Variants in ZNF292 observed in about 807,000 individuals in gnomAD.
ZNF292 encodes 16 zinc-finger domain protein.
A neutral mutation model predicts 217.9 loss-of-function variants in ZNF292; 26 were observed. That is an observed-to-expected ratio of 0.12 (90% confidence interval 0.09 to 0.17). The LOEUF (loss-of-function observed/expected upper bound fraction) is 0.17. ZNF292 is among the 10% of genes least tolerant of loss of function. The probability of loss-of-function intolerance (pLI) is 1.00; values close to 1 mark genes in which losing one functional copy is unlikely to be tolerated. For missense variants in ZNF292, 2,904 were observed against 3,175.2 expected, an observed-to-expected ratio of 0.91 and a Z score of 2.05; for synonymous variants, 1,257 against 1,124.1, an observed-to-expected ratio of 1.12 and a Z score of -2.37.
chr6:87,262,134 C>CT lies in ZNF292; in HGVS notation c.*336dup, dbSNP rs533092164. 6.0e-6 allele frequency: 1 copy of CT among 166,074 alleles called. No individual in the cohort carries two copies. Among genetic ancestry groups the CT allele is most frequent in the African/African-American group, 2.4e-5 (1 of 41,926 alleles). 10.3% of individuals were successfully genotyped at this position (166,074 alleles called of 1,614,324 possible). ...GTCACTGCTCATGTATAACAGTACT[C>CT]TTTATTTGTAGATACCTTTTTTGTA... On this transcript the variant is annotated 3_prime_UTR_variant, in exon 8 of 8. Coordinates refer to ENST00000369577, the MANE Select transcript of ZNF292 (RefSeq NM_015021.3).
At position 87,258,414 on chromosome 6, in the gene ZNF292, A is replaced by T; in HGVS notation, c.4785A>T (p.Pro1595=). 1 of 1,613,754 alleles carries T rather than the reference A, an allele frequency of 6.2e-7. No homozygotes were observed. Among genetic ancestry groups the T allele is most frequent in the Admixed American group, 1.7e-5 (1 of 59,926 alleles). ...CSSSFPNSGG[P]SQNFTSNSSR... ...GTTCATTTCCTAATTCTGGTGGGCC[A>T]TCACAAAATTTTACCAGTAACAGTT... Residue 1595 remains proline, a synonymous_variant, in exon 8 of 8, where the codon CCA becomes CCT. Coordinates refer to ENST00000369577, the MANE Select transcript of ZNF292 (RefSeq NM_015021.3).
At chr6:87,238,260 G>A (rs1773997205) in intron 5 of ZNF292, among the ~76,000 whole-genome samples, 1 of 152,100 alleles carries the variant, frequency 6.6e-6, no homozygotes, top group African/African-American at 2.4e-5. Context: ...ACCAAAGTGG[G>A]TGTATCACCT....
intron 5 of ZNF292, 35 bp downstream of exon 5, chr6:87,233,562 T>A: frequency 6.4e-7 from 1 of 1,573,876 alleles, no homozygotes; most frequent in Non-Finnish European, 8.6e-7. Flanking sequence ...AATTATTTTT[T>A]AAGTTGAGAA....
At chr6:87,164,906 G>A (rs1478024910) in intron 1 of ZNF292, among the ~76,000 whole-genome samples, 3 of 151,470 alleles carry the variant, frequency 2.0e-5, no homozygotes, top group Non-Finnish European at 2.9e-5. Context: ...GGGACTACAG[G>A]CATGTGCCAC....
chr6:87,239,773 C>G (rs1582480018), intron 5 of ZNF292, among the ~76,000 whole-genome samples: 1 of 149,410 alleles, frequency 6.7e-6, no homozygotes, highest in South Asian at 2.1e-4. Flanking sequence ...GGCAGAGGCG[C>G]TCCCCACATC....
At chr6:87,173,833 T>TA (rs1346657628) in intron 1 of ZNF292, 2 of 159,924 alleles carry the variant, frequency 1.3e-5, no homozygotes, top group East Asian at 3.8e-4. Context: ...CACCCACATT[T>TA]ATCTCCACAG....
chr6:87,231,022 AAAGAT>A (rs1170141781), intron 4 of ZNF292, among the ~76,000 whole-genome samples: 4 of 152,324 alleles, frequency 2.6e-5, no homozygotes, highest in Admixed American at 6.5e-5. Flanking sequence ...TAAGCTACTC[AAAGAT>A]AAGTCTGAGA....
intron 1 of ZNF292, among the ~76,000 whole-genome samples, chr6:87,173,208 C>CAA (rs11396517): frequency 0.26 from 38,946 of 150,938 alleles, 5,603 homozygotes; most frequent in South Asian, 0.38. Flanking sequence ...AATTTTGGCA[C>CAA]AAAAAAAAAT....
rs1040375108 is a variant in ZNF292 at position 87,155,641 on chromosome 6, G to A, written c.50G>A (p.Gly17Asp). The part of the protein sequence containing the change: ...EQERLSCGEG[G>D]CVAELQRLGE... ...GAGAGGTTGAGTTGCGGCGAAGGCG[G>A]CTGCGTCGCGGAGCTGCAGCGCCTG... Residue 17 changes from glycine to aspartate, a missense_variant, in exon 1 of 8, where the codon GGC (glycine) becomes GAC (aspartate). Physicochemically the swap from Gly to Asp is moderately conservative, Grantham distance 94 (BLOSUM62 -1). Around this residue, in one of 15 missense-constraint regions of ZNF292, gnomAD observed 66 missense variants for 44.1 expected, o/e 1.50. Coordinates refer to ENST00000369577, the MANE Select transcript of ZNF292 (RefSeq NM_015021.3). 5.1e-6 allele frequency: 8 copies of A among 1,582,122 alleles called. No individual in the cohort carries two copies. In the African/African-American group the frequency reaches 8.1e-5, roughly 16 times the overall value.
intron 7 of ZNF292, among the ~76,000 whole-genome samples, chr6:87,253,684 A>G (rs572759686): frequency 6.6e-6 from 1 of 152,300 alleles, no homozygotes; most frequent in Non-Finnish European, 1.5e-5. Flanking sequence ...CTTTTGCCCT[A>G]CAAGTTTAAG....
chr6:87,186,223 G>T lies in ZNF292; in HGVS notation c.169-29680G>T, dbSNP rs112428825. 3.6e-3 allele frequency among the ~76,000 whole-genome samples: 555 copies of T among 152,262 alleles called. 2 individuals carry two copies. The highest frequency in any genetic ancestry group is 0.013 in the African/African-American group (535 of 41,558). The stretch of plus-strand genomic sequence containing the variant: ...GGATGCCTTCAGGCATATTTTTCTA[G>T]GTTATTAATGGAGGTTAAATTCCCA... On this transcript the variant is annotated intron_variant, in intron 1 of 7. Transcript: ENST00000369577.
At chr6:87,166,083 C>G (rs1331532793) in intron 1 of ZNF292, among the ~76,000 whole-genome samples, 2 of 152,092 alleles carry the variant, frequency 1.3e-5, no homozygotes, top group African/African-American at 4.8e-5. Flanking sequence ...AAAGTGAATG[C>G]TAGAAACCCA....
chr6:87,226,781 C>T (rs952496456), intron 4 of ZNF292, among the ~76,000 whole-genome samples: 3 of 151,456 alleles, frequency 2.0e-5, no homozygotes, highest in African/African-American at 7.3e-5. Flanking sequence ...TGGATTCAAG[C>T]GATTCTCCTC....
rs750096338 is a variant in ZNF292 at position 87,261,681 on chromosome 6, A to G, written c.8052A>G (p.Gln2684=). The G allele has an allele frequency of 4.3e-6, 7 of 1,612,912 alleles. No individual in the cohort carries two copies. The highest frequency in any genetic ancestry group is 5.9e-6 in the Non-Finnish European group (7 of 1,179,428). ...ATTGCACTGAGCTTGTCTTAAAGCA[A>G]CTTCAGGAAATGAAACCTACCGTCA... ...LKDCTELVLK[Q]LQEMKPTVSL... The change falls in exon 8 of 8, where the codon CAA becomes CAG. Residue 2684 remains glutamine (Q), a synonymous_variant. Transcript: ENST00000369577.
chr6:87,161,645 T>C lies in ZNF292; in HGVS notation c.168+5886T>C, dbSNP rs1770758270. Among the ~76,000 whole-genome samples, 3 of 152,240 alleles carry C rather than the reference T, an allele frequency of 2.0e-5. No individual in the cohort carries two copies. In the South Asian group the frequency reaches 6.2e-4, roughly 31 times the overall value. On this transcript the variant is annotated intron_variant, in intron 1 of 7. Transcript: ENST00000369577. The stretch of plus-strand genomic sequence containing the variant: ...TGCCCAGGTTGGTCTCAAACTCCTG[T>C]GCTCAAGCAGTCCTCCCACCTTGGT...
intron 1 of ZNF292, among the ~76,000 whole-genome samples, chr6:87,156,338 C>T (rs967594491): frequency 6.6e-6 from 1 of 152,202 alleles, no homozygotes; most frequent in Non-Finnish European, 1.5e-5. Context: ...CCCGCCGACC[C>T]CTTCTAGTTG....
Position 87,207,538 on chromosome 6 carries a change from A to T in ZNF292, c.169-8365A>T, listed in dbSNP as rs1230157915. Among the ~76,000 whole-genome samples the T allele has an allele frequency of 2.6e-5, 4 of 152,348 alleles. No individual in the cohort carries two copies. In the East Asian group the frequency reaches 7.7e-4, roughly 29 times the overall value. On this transcript the variant is annotated intron_variant, in intron 1 of 7. Transcript: ENST00000369577. ...ATGTGGAAAAATGTGAAAAAAATAT[A>T]AAAAATGTGAAACATATTCTTTATT...
chr6:87,243,439 C>T, intron 5 of ZNF292, 36 bp from the exon 6 acceptor site: 1 of 1,502,392 alleles, frequency 6.7e-7, no homozygotes, highest in Non-Finnish European at 8.9e-7. Flanking sequence ...AATATAAAAC[C>T]ATTTTGTGGC....
intron 1 of ZNF292, among the ~76,000 whole-genome samples, chr6:87,160,140 A>T (rs1770683962): frequency 6.6e-6 from 1 of 152,220 alleles, no homozygotes; most frequent in Non-Finnish European, 1.5e-5. Flanking sequence ...TAGTCTCTGG[A>T]GGAAGGTAGA....
Sources: gnomAD v4.1 joint callset for allele counts (sites outside exome capture counted in the v4.1 genomes callset) on GRCh38, gnomAD v4.1.1 for gene constraint, gnomAD v4.1.1 regional missense constraint, MANE v1.5 for transcripts, NCBI Gene and HGNC (gene_info 2026-07-23, HGNC 2026-07-21) for gene names.